The following ARHGAP26 variants were observed in gnomAD, a reference collection of about 807,000 sequenced individuals.
ARHGAP26 encodes the protein Rho GTPase activating protein 26, also known as rho GTPase-activating protein 26.
A neutral mutation model predicts 104.8 loss-of-function variants in ARHGAP26; 38 were observed. That is an observed-to-expected ratio of 0.36 (90% CI 0.28 to 0.48). The LOEUF (loss-of-function observed/expected upper bound fraction) is 0.48, where lower values mean the gene tolerates loss of function less well. ARHGAP26 is among the 20% of genes least tolerant of loss of function. The probability of loss-of-function intolerance (pLI) is 0.99; values close to 1 mark genes in which losing one functional copy is unlikely to be tolerated. For missense variants in ARHGAP26, 704 were observed against 947.9 expected (o/e 0.74, Z 3.38); for synonymous variants, 341 against 340.0 (o/e 1.00, Z -0.03).
intron 12 of ARHGAP26, among the ~76,000 whole-genome samples, chr5:143,018,697 C>T (rs189201318): frequency 7.2e-5 from 11 of 152,292 alleles, no homozygotes; most frequent in Non-Finnish European, 1.2e-4. Context: ...TTTTGTGTAG[C>T]TGTTTTTGTC....
At position 142,952,161 on chromosome 5, in the gene ARHGAP26, CA is replaced by C. The variant is rs1768488556; in HGVS notation, c.1107+20037del. On this transcript the variant is annotated intron_variant, in intron 11 of 22. Transcript: ENST00000645722. ...TATCTTACCTCCAGATCCTTAATTACACTTTTTTTTCCAAATAAGGTCACAT... is the reference window on the plus strand; with the variant it reads ...TATCTTACCTCCAGATCCTTAATTACCTTTTTTTTCCAAATAAGGTCACAT... Among the ~76,000 whole-genome samples, 7 of 152,334 alleles carry C rather than the reference CA, an allele frequency of 4.6e-5. 1 individual carries two copies. The South Asian group carries it at 1.4e-3, about 32-fold the overall frequency.
chr5:142,928,492 T>G (rs770249991), intron 10 of ARHGAP26, among the ~76,000 whole-genome samples: 6 of 152,304 alleles, frequency 3.9e-5, no homozygotes, highest in South Asian at 2.1e-4. Context: ...TTTGCAGAAG[T>G]GCATGGCTGA....
chr5:143,114,157 C>T (rs1367436943), intron 17 of ARHGAP26, among the ~76,000 whole-genome samples: 1 of 152,222 alleles, frequency 6.6e-6, no homozygotes, highest in Non-Finnish European at 1.5e-5. Context: ...TGTCTGGCTT[C>T]TCACTAGATA....
At chr5:143,050,348 C>CTT (rs78448109) in intron 14 of ARHGAP26, among the ~76,000 whole-genome samples, 3 of 144,516 alleles carry the variant, frequency 2.1e-5, no homozygotes, top group Admixed American at 1.4e-4. Flanking sequence ...TCTTCTTCTT[C>CTT]TTTTTTTTTT....
chr5:142,994,826 C>T (rs571550901), intron 11 of ARHGAP26, among the ~76,000 whole-genome samples: 1 of 152,290 alleles, frequency 6.6e-6, no homozygotes, highest in East Asian at 1.9e-4. Flanking sequence ...GTGGTATGCT[C>T]TCCATTTTAT....
intron 11 of ARHGAP26, among the ~76,000 whole-genome samples, chr5:142,999,948 G>A (rs1471676810): frequency 6.6e-6 from 1 of 152,028 alleles, no homozygotes; most frequent in African/African-American, 2.4e-5. Flanking sequence ...CTAACTAAAA[G>A]ACAGAAAAAA....
intron 1 of ARHGAP26, among the ~76,000 whole-genome samples, chr5:142,783,234 A>G (rs58714071): frequency 0.015 from 2,338 of 152,358 alleles, 50 homozygotes; most frequent in African/African-American, 0.041. Context: ...TCAGAAGCGT[A>G]AAAGTTCTAG....
intron 1 of ARHGAP26, among the ~76,000 whole-genome samples, chr5:142,785,530 G>A (rs1758402094): frequency 6.7e-6 from 1 of 149,998 alleles, no homozygotes; most frequent in Non-Finnish European, 1.5e-5. Context: ...TGGAACGAGA[G>A]CGTGTTATTT....
At chr5:143,004,861 C>T (rs1777712716) in intron 11 of ARHGAP26, among the ~76,000 whole-genome samples, 1 of 152,082 alleles carries the variant, frequency 6.6e-6, no homozygotes, top group Admixed American at 6.6e-5. Context: ...AAGGCAAAAA[C>T]AATCTGACCT....
chr5:142,805,106 CTTT>C (rs532679996), intron 1 of ARHGAP26, among the ~76,000 whole-genome samples: 1 of 139,230 alleles, frequency 7.2e-6, no homozygotes, highest in Non-Finnish European at 1.6e-5. Flanking sequence ...CCTTTCTTTT[CTTT>C]TTTTTTTTTT....
chr5:143,128,964 G>A (rs1797017839), intron 18 of ARHGAP26, among the ~76,000 whole-genome samples: 1 of 152,158 alleles, frequency 6.6e-6, no homozygotes, highest in South Asian at 2.1e-4. Flanking sequence ...ACATTACAGG[G>A]AGACTCCTAA....
intron 12 of ARHGAP26, among the ~76,000 whole-genome samples, chr5:143,035,327 G>A (rs969721464): frequency 6.6e-6 from 1 of 152,042 alleles, no homozygotes; most frequent in Admixed American, 6.6e-5. Flanking sequence ...AAGAAACTTT[G>A]GTGTATATAT....
chr5:142,787,109 G>C (rs1758832436), intron 1 of ARHGAP26, among the ~76,000 whole-genome samples: 1 of 152,152 alleles, frequency 6.6e-6, no homozygotes, highest in Admixed American at 6.5e-5. Flanking sequence ...TTCAGAGTGA[G>C]AGGATGTGCT....
chr5:143,154,561 C>T lies in ARHGAP26; in HGVS notation c.1988+7180C>T, dbSNP rs80196457. On this transcript the variant is annotated intron_variant, in intron 20 of 22. Transcript: ENST00000645722. The stretch of plus-strand genomic sequence containing the variant: ...CAGAGAAATGTCCCAGGCTGTCCCA[C>T]TCACCTTCCCCCACCAGCCTCCTAC... Among the ~76,000 whole-genome samples, 723 of 152,296 alleles carry T rather than the reference C, an allele frequency of 4.7e-3. 4 individuals are homozygous for T. Among genetic ancestry groups the T allele is most frequent in the African/African-American group, 0.017 (699 of 41,548 alleles).
chr5:143,205,926 G>A (rs927109527), intron 20 of ARHGAP26, among the ~76,000 whole-genome samples: 4 of 152,192 alleles, frequency 2.6e-5, no homozygotes, highest in Non-Finnish European at 4.4e-5. Flanking sequence ...TGGAATTTAT[G>A]TTCTAAAAAT....
intron 11 of ARHGAP26, among the ~76,000 whole-genome samples, chr5:142,946,417 T>C (rs796575277): frequency 1.4e-4 from 21 of 151,980 alleles, no homozygotes; most frequent in African/African-American, 4.6e-4. Flanking sequence ...TTTGTGGGAG[T>C]GGAGATTATG....
chr5:142,865,478 GTT>G (rs35950662), intron 1 of ARHGAP26, among the ~76,000 whole-genome samples: 3,073 of 117,098 alleles, frequency 0.026, 49 homozygotes, highest in African/African-American at 0.091. Flanking sequence ...ACACGGAGAA[GTT>G]TTTTTTTTTT....
intron 17 of ARHGAP26, among the ~76,000 whole-genome samples, chr5:143,083,926 G>C (rs17099858): frequency 1.9e-3 from 295 of 152,260 alleles, no homozygotes; most frequent in African/African-American, 6.8e-3. Context: ...ATTATATTAC[G>C]TGTCATAAAA....
intron 20 of ARHGAP26, among the ~76,000 whole-genome samples, chr5:143,198,627 C>T (rs541503018): frequency 1.3e-5 from 2 of 152,210 alleles, no homozygotes; most frequent in South Asian, 4.1e-4. Context: ...TTCCCTCTAC[C>T]TCATATTTCT....
Sources: gnomAD v4.1 joint callset for allele counts (sites outside exome capture counted in the v4.1 genomes callset) on GRCh38, gnomAD v4.1.1 for gene constraint, MANE v1.5 for transcripts, NCBI Gene and HGNC (gene_info 2026-07-23, HGNC 2026-07-21) for gene names.